Variants in USP13 observed in about 807,000 individuals in gnomAD.
The protein encoded by USP13 is ubiquitin specific peptidase 13.
In USP13, 68 loss-of-function variants were observed where a neutral mutation model predicts 107.8. The observed-to-expected ratio is 0.63, with a 90% CI of 0.52 to 0.77. USP13 has a LOEUF of 0.77. Ranked by LOEUF, USP13 falls within the 30% of genes least tolerant of loss-of-function variation. USP13 has a pLI of 0.00. For synonymous variants in USP13, 377 were observed against 389.5 expected (o/e 0.97, Z 0.38); for missense variants, 945 against 1,093.3 (o/e 0.86, Z 1.91).
At chr3:179,658,245 C>G (rs1159726395) in intron 1 of USP13, among the ~76,000 whole-genome samples, 1 of 152,182 alleles carries the variant, frequency 6.6e-6, no homozygotes, top group East Asian at 1.9e-4. Context: ...GGAGCCACTG[C>G]ACCTGGCCAA....
In USP13 at chr3:179,760,282, G is replaced by GTTT. The variant is rs1363561918; in HGVS notation, c.1949-813_1949-811dup. 2.4e-3 allele frequency among the ~76,000 whole-genome samples: 294 copies of GTTT among 123,474 alleles called. 9 individuals carry two copies. The highest frequency in any genetic ancestry group is 8.4e-3 in the African/African-American group (270 of 32,032). The allele number at this position is 123,474 out of a possible 152,430, so 81.0% of individuals were successfully genotyped here. A position where few individuals can be genotyped will look rare whatever the true frequency, so the allele number is the denominator to read the frequency against. On this transcript the variant is annotated intron_variant, in intron 16 of 20. Coordinates refer to ENST00000263966, the MANE Select transcript of USP13 (RefSeq NM_003940.3). The stretch of plus-strand genomic sequence containing the variant: ...TTACTTTGTAAAGCCGTCTCTTAAT[G>GTTT]TTTTTTTTTTTTTTTTTTTGAGACG...
intron 3 of USP13, among the ~76,000 whole-genome samples, chr3:179,697,103 C>T (rs997357859): frequency 1.3e-5 from 2 of 152,144 alleles, no homozygotes; most frequent in Non-Finnish European, 2.9e-5. Flanking sequence ...GCCACCACTT[C>T]ACCTCAGAAA....
chr3:179,750,326 G>GTGTGTATATATATA (rs1553797370), intron 13 of USP13, among the ~76,000 whole-genome samples: 51 of 75,840 alleles, frequency 6.7e-4, no homozygotes, highest in East Asian at 2.3e-3. Flanking sequence ...ATATATGTGT[G>GTGTGTATATATATA]TATATATATA....
intron 17 of USP13, 27 bp from the exon 18 acceptor site, chr3:179,763,975 A>C: frequency 1.9e-6 from 3 of 1,563,438 alleles, no homozygotes; most frequent in Non-Finnish European, 2.6e-6. Flanking sequence ...AAAAAGGAAA[A>C]GACTTGGGTG....
intron 10 of USP13, among the ~76,000 whole-genome samples, chr3:179,733,584 C>T (rs73885925): frequency 0.027 from 4,163 of 152,236 alleles, 207 homozygotes; most frequent in African/African-American, 0.095. Context: ...TCCCAGGCCT[C>T]TGGTGTTTGT....
chr3:179,746,630 C>T (rs1714418810), intron 13 of USP13, among the ~76,000 whole-genome samples: 1 of 152,096 alleles, frequency 6.6e-6, no homozygotes, highest in Non-Finnish European at 1.5e-5. Context: ...TGGGGTTTCT[C>T]CATGTTGGTC....
At chr3:179,764,235 T>C (rs1576987176) in intron 18 of USP13, 67 bp downstream of exon 18, 12 of 1,529,348 alleles carry the variant, frequency 7.8e-6, no homozygotes, top group Non-Finnish European at 1.1e-5. Flanking sequence ...CTGTAGCAGT[T>C]GAGACTTTCC....
At position 179,681,909 on chromosome 3, in the gene USP13, A is replaced by G; in HGVS notation, c.200A>G (p.Asn67Ser). Residue 67 changes from asparagine to serine, a missense_variant, in exon 2 of 21, where the codon AAT becomes AGT. Asn to Ser is a conservative substitution (Grantham distance 46, BLOSUM62 1). Coordinates refer to ENST00000263966, the MANE Select transcript of USP13 (RefSeq NM_003940.3). ...GAAGGTGGACTCTATGTATGCATGA[A>G]TACATTTTTGGCCTTTGGAAGGGAA... ...NSEGGLYVCM[N>S]TFLAFGREHV... 6.2e-7 allele frequency: 1 copy of G among 1,614,022 alleles called. No homozygotes were observed. Among genetic ancestry groups the G allele is most frequent in the Non-Finnish European group, 8.5e-7 (1 of 1,179,960 alleles).
chr3:179,682,035 G>C, intron 2 of USP13, 32 bp downstream of exon 2: 3 of 1,601,506 alleles, frequency 1.9e-6, no homozygotes, highest in East Asian at 2.2e-5. Flanking sequence ...AACTGGCCTT[G>C]ATGTCTTCCC....
chr3:179,671,919 A>G (rs779577384), intron 1 of USP13, among the ~76,000 whole-genome samples: 2 of 152,154 alleles, frequency 1.3e-5, no homozygotes, highest in African/African-American at 2.4e-5. Flanking sequence ...CTTTGCAGCA[A>G]TGACCGCTTG....
intron 17 of USP13, 98 bp downstream of exon 17, chr3:179,761,353 A>T (rs1316213289): frequency 4.1e-6 from 6 of 1,456,912 alleles, no homozygotes; most frequent in Non-Finnish European, 5.6e-6. Context: ...GTATCCCTAG[A>T]AAATGACTTT....
intron 14 of USP13, among the ~76,000 whole-genome samples, chr3:179,753,842 A>T (rs1714692136): frequency 6.6e-6 from 1 of 152,196 alleles, no homozygotes; most frequent in South Asian, 2.1e-4. Flanking sequence ...TCATCTGAAT[A>T]TGTGCAGCAC....
chr3:179,728,194 G>A (rs1321811013), intron 8 of USP13, among the ~76,000 whole-genome samples: 18 of 145,302 alleles, frequency 1.2e-4, no homozygotes, highest in East Asian at 4.3e-4. Context: ...CTGGCCTGGC[G>A]GGGGGCTGAC....
intron 1 of USP13, among the ~76,000 whole-genome samples, chr3:179,670,817 C>A (rs1182612389): frequency 6.6e-6 from 1 of 152,072 alleles, no homozygotes; most frequent in Non-Finnish European, 1.5e-5. Context: ...TCTGCCTCAG[C>A]CTCCCGAGTA....
intron 14 of USP13, 106 bp downstream of exon 14, chr3:179,752,479 C>T: frequency 1.2e-6 from 1 of 806,342 alleles, no homozygotes; most frequent in Non-Finnish European, 2.1e-6. Flanking sequence ...AGTTCCATTT[C>T]ATTCCATCAT....
intron 19 of USP13, among the ~76,000 whole-genome samples, chr3:179,768,953 A>G (rs1348674524): frequency 1.3e-5 from 2 of 152,238 alleles, no homozygotes; most frequent in African/African-American, 4.8e-5. Flanking sequence ...TATTAATTTT[A>G]GCAACTTAAG....
At chr3:179,728,430 C>G (rs1240047731) in intron 8 of USP13, among the ~76,000 whole-genome samples, 11 of 149,144 alleles carry the variant, frequency 7.4e-5, no homozygotes, top group Admixed American at 2.7e-4. Context: ...TGATGGCGGC[C>G]GGGAAGAGGC....
chr3:179,763,979 T>G (rs755468474), intron 17 of USP13, 23 bp from the exon 18 acceptor site: 27 of 1,573,738 alleles, frequency 1.7e-5, no homozygotes, highest in Non-Finnish European at 2.3e-5. Context: ...AGGAAAAGAC[T>G]TGGGTGTGGT....
chr3:179,782,960 G>T (rs1715797128), intron 20 of USP13, among the ~76,000 whole-genome samples: 1 of 152,102 alleles, frequency 6.6e-6, no homozygotes, highest in Non-Finnish European at 1.5e-5. Flanking sequence ...GGTCAGGCTG[G>T]TCCCAAACTC....
Sources: allele counts gnomAD v4.1 joint callset (sites outside exome capture counted in the v4.1 genomes callset), GRCh38; gene constraint gnomAD v4.1.1; transcripts MANE v1.5; gene names NCBI Gene and HGNC (gene_info 2026-07-23, HGNC 2026-07-21).